MACROD2: variants seen among roughly 807,000 people sequenced by gnomAD.
MACROD2 encodes the protein mono-ADP ribosylhydrolase 2.
MACROD2 carries 36 observed loss-of-function variants against 70.4 expected under a neutral mutation model. That is an observed-to-expected ratio of 0.51 (90% CI 0.39 to 0.68). The LOEUF (loss-of-function observed/expected upper bound fraction) is 0.68, where lower values mean the gene tolerates loss of function less well. MACROD2 is among the 30% of genes least tolerant of loss of function. MACROD2 has a pLI of 0.00. For missense variants in MACROD2, 496 were observed against 538.4 expected (o/e 0.92, Z 0.78); for synonymous variants, 172 against 178.8 (o/e 0.96, Z 0.30).
chr20:14,152,709 G>A (rs983847630), intron 3 of MACROD2, among the ~76,000 whole-genome samples: 1 of 152,180 alleles, frequency 6.6e-6, no homozygotes, highest in Non-Finnish European at 1.5e-5. Context: ...TTACAGGCAT[G>A]AGCCATCGTG....
chr20:14,582,309 C>T (rs552326252), intron 4 of MACROD2, among the ~76,000 whole-genome samples: 16 of 152,100 alleles, frequency 1.1e-4, no homozygotes, highest in African/African-American at 3.9e-4. Flanking sequence ...TGATAAGGGA[C>T]ACTTTACTCA....
At chr20:14,230,685 A>AAAAACACAGGC (rs2081800606) in intron 3 of MACROD2, among the ~76,000 whole-genome samples, 1 of 116,878 alleles carries the variant, frequency 8.6e-6, no homozygotes, top group African/African-American at 3.8e-5. Flanking sequence ...ATATATATAT[A>AAAAACACAGGC]TATATATATA....
chr20:14,321,319 T>G (rs779030366), intron 3 of MACROD2, among the ~76,000 whole-genome samples: 1 of 151,936 alleles, frequency 6.6e-6, no homozygotes, highest in Non-Finnish European at 1.5e-5. Context: ...GAGCCAAGAT[T>G]GTGCCACTGC....
chr20:16,015,940 A>C (rs949223153), intron 15 of MACROD2, among the ~76,000 whole-genome samples: 5 of 151,822 alleles, frequency 3.3e-5, no homozygotes, highest in African/African-American at 1.2e-4. Context: ...TGACTTTTTT[A>C]TCTTTGGTTT....
intron 5 of MACROD2, among the ~76,000 whole-genome samples, chr20:14,727,361 T>A (rs559271631): frequency 2.6e-5 from 4 of 152,076 alleles, no homozygotes; most frequent in African/African-American, 9.6e-5. Context: ...TGAGACCCTG[T>A]CTCTACAAAA....
chr20:15,921,222 GT>G (rs2147289863), intron 10 of MACROD2, among the ~76,000 whole-genome samples: 1 of 152,154 alleles, frequency 6.6e-6, no homozygotes, highest in Admixed American at 6.5e-5. Flanking sequence ...CACTCCATTC[GT>G]TGTCTGCTCC....
intron 3 of MACROD2, among the ~76,000 whole-genome samples, chr20:14,194,343 C>T (rs754638966): frequency 1.7e-4 from 26 of 152,194 alleles, no homozygotes; most frequent in South Asian, 4.1e-4. Flanking sequence ...ATTGGGATCA[C>T]TTCCTGCTGA....
chr20:14,865,511 C>G (rs1431205002), intron 5 of MACROD2, among the ~76,000 whole-genome samples: 1 of 151,920 alleles, frequency 6.6e-6, no homozygotes, highest in Non-Finnish European at 1.5e-5. Flanking sequence ...CATTTAAATA[C>G]CAAACGTTTC....
chr20:15,563,863 A>G (rs1051205340), intron 8 of MACROD2, among the ~76,000 whole-genome samples: 1 of 152,238 alleles, frequency 6.6e-6, no homozygotes, highest in Non-Finnish European at 1.5e-5. Flanking sequence ...AGGAATCCTT[A>G]AACTGTTTTC....
intron 4 of MACROD2, among the ~76,000 whole-genome samples, chr20:14,670,131 A>G (rs2070778299): frequency 6.6e-6 from 1 of 152,126 alleles, no homozygotes; most frequent in South Asian, 2.1e-4. Flanking sequence ...AGATGTCTTC[A>G]ATTTAATAAC....
At chr20:15,814,802 T>A (rs1211979465) in intron 8 of MACROD2, among the ~76,000 whole-genome samples, 1 of 152,236 alleles carries the variant, frequency 6.6e-6, no homozygotes, top group African/African-American at 2.4e-5. Flanking sequence ...CATAAATATT[T>A]TCTGAGTGTA....
chr20:15,490,239 TC>T (rs2047215009), intron 7 of MACROD2, among the ~76,000 whole-genome samples: 1 of 103,620 alleles, frequency 9.7e-6, no homozygotes, highest in South Asian at 3.3e-4. Context: ...CTTCCTCCCT[TC>T]CCTTCCCTTC....
At chr20:14,695,082 C>T (rs1395073093) in intron 5 of MACROD2, among the ~76,000 whole-genome samples, 3 of 152,016 alleles carry the variant, frequency 2.0e-5, no homozygotes, top group Non-Finnish European at 4.4e-5. Context: ...TATTAGCTTC[C>T]TAGGGCTGCT....
At chr20:15,677,512 C>T (rs954016982) in intron 8 of MACROD2, among the ~76,000 whole-genome samples, 12 of 152,226 alleles carry the variant, frequency 7.9e-5, no homozygotes, top group African/African-American at 2.4e-4. Context: ...TGCCTGCTCT[C>T]CCAGGCAGAG....
At chr20:15,679,104 G>T (rs575357260) in intron 8 of MACROD2, among the ~76,000 whole-genome samples, 1 of 152,086 alleles carries the variant, frequency 6.6e-6, no homozygotes, top group Non-Finnish European at 1.5e-5. Context: ...GGGTGTAGTG[G>T]CACATGTCTA....
At chr20:14,468,356 A>G (rs868015410) in intron 3 of MACROD2, among the ~76,000 whole-genome samples, 2 of 150,110 alleles carry the variant, frequency 1.3e-5, no homozygotes, top group Non-Finnish European at 3.0e-5. Flanking sequence ...TTCCTTTACC[A>G]TTATGTAATG....
chr20:15,292,995 T>C (rs2077554722), intron 6 of MACROD2, among the ~76,000 whole-genome samples: 1 of 152,192 alleles, frequency 6.6e-6, no homozygotes, highest in African/African-American at 2.4e-5. Context: ...TTCCATACCA[T>C]GGTAGATGTC....
At chr20:15,322,692 G>C (rs954546626) in intron 6 of MACROD2, among the ~76,000 whole-genome samples, 1 of 144,446 alleles carries the variant, frequency 6.9e-6, no homozygotes, top group Non-Finnish European at 1.6e-5. Context: ...TTTGTAGAGA[G>C]TATGAATGAC....
intron 5 of MACROD2, among the ~76,000 whole-genome samples, chr20:14,720,702 C>T (rs963437796): frequency 5.3e-5 from 8 of 151,432 alleles, no homozygotes; most frequent in Non-Finnish European, 1.0e-4. Context: ...TACAGGCTTG[C>T]GCCACCACCT....
Sources: allele counts gnomAD v4.1 joint callset (sites outside exome capture counted in the v4.1 genomes callset), GRCh38; gene constraint gnomAD v4.1.1; transcripts MANE v1.5; gene names NCBI Gene and HGNC (gene_info 2026-07-23, HGNC 2026-07-21).